The following TTN variants were observed in gnomAD, a reference collection of about 807,000 sequenced individuals.
TTN encodes connectin.
In TTN, 1,525 loss-of-function variants were observed where a neutral mutation model predicts 3,223.0. The observed-to-expected ratio is 0.47, with a 90% CI of 0.45 to 0.49. TTN has a LOEUF of 0.49. Ranked by LOEUF, TTN falls within the 20% of genes least tolerant of loss-of-function variation. TTN has a pLI of 0.00. For missense variants in TTN, 40,786 were observed against 43,424.0 expected (o/e 0.94, Z 5.40); for synonymous variants, 14,094 against 15,161.0 (o/e 0.93, Z 5.17).
intron 147 of TTN, 129 bp downstream of exon 147, chr2:178,677,072 G>A (rs954653008): frequency 3.4e-5 from 16 of 464,892 alleles, no homozygotes; most frequent in Admixed American, 1.5e-4. Context: ...CCTGAACATC[G>A]TTAGAAGTAA....
In TTN at chr2:178,724,297, A is replaced by C. The variant is rs2078959892; in HGVS notation, c.21078T>G (p.Val7026=). Residue 7026 remains valine, a synonymous_variant, in exon 72 of 363, where the codon GTT becomes GTG. Coordinates refer to ENST00000589042, the MANE Select transcript of TTN (RefSeq NM_001267550.2). ...CCACAGCTGTGCAGCTGCTTTTCCC[A>C]ACATTATTTTGAACCTGGAAAGTGT... The part of the protein sequence containing the change: ...GTYTFQVQNN[V]GKSSCTAVVD... The C allele has an allele frequency of 1.2e-6, 2 of 1,613,468 alleles. No homozygotes were observed. Among genetic ancestry groups the C allele is most frequent in the African/African-American group, 1.3e-5 (1 of 75,012 alleles).
At position 178,731,576 on chromosome 2, in the gene TTN, TG is replaced by T; in HGVS notation, c.17189del (p.Pro5730HisfsTer4). 1.3e-6 allele frequency: 2 copies of T among 1,598,696 alleles called. No homozygotes were observed. The highest frequency in any genetic ancestry group is 1.3e-5 in the African/African-American group (1 of 74,324). On this transcript the variant is annotated frameshift_variant, in exon 59 of 363. Coordinates refer to ENST00000589042, the MANE Select transcript of TTN (RefSeq NM_001267550.2). LOFTEE classifies it high-confidence loss of function. ...TACTCTCGATCTTCTTTATGAAGGA[TG>T]GGGGTTCTAACAGAAGAATGAATTC... Reference protein sequence around the residue: ...CSARVTLREPPSFIKKIESTS... With the variant: ...CSARVTLREPXSFIKKIESTS...
At chr2:178,735,469 TTG>T in intron 50 of TTN, 40 bp downstream of exon 50, 1 of 1,493,346 alleles carries the variant, frequency 6.7e-7, no homozygotes, top group South Asian at 1.4e-5. Context: ...TGAGGATTCC[TTG>T]CAGAGAAGGG....
chr2:178,640,848 TTC>T (rs913329264), intron 220 of TTN, among the ~76,000 whole-genome samples: 7 of 151,898 alleles, frequency 4.6e-5, no homozygotes, highest in African/African-American at 1.7e-4. Flanking sequence ...AGCTCTCTCC[TTC>T]TAAATCACTT....
At chr2:178,699,383 CTTTTTTTTTTTTTTTTTTTTTTTTTTT>C (rs59989386) in intron 111 of TTN, among the ~76,000 whole-genome samples, 65 of 44,906 alleles carry the variant, frequency 1.4e-3, no homozygotes, top group African/African-American at 3.4e-3. Context: ...AAATAACACT[CTTTTTTTTTTTTTTTTTTTTTTTTTTT>C]TTTTTTTTTT....
chr2:178,721,909 T>C lies in TTN; in HGVS notation c.22754A>G (p.Tyr7585Cys). ...AACATCATTGGTTGCTTGGCAAGTA[T>C]ATTGACCAGAGTCTCCTTTGCCTAC... ...LKVGKGDSGQYTCQATNDVGK... is the reference protein window; with the variant it reads ...LKVGKGDSGQCTCQATNDVGK... Residue 7585 changes from tyrosine (Y) to cysteine (C), a missense_variant, in exon 78 of 363, where the codon TAT (tyrosine) becomes TGT (cysteine). Coordinates refer to ENST00000589042, the MANE Select transcript of TTN (RefSeq NM_001267550.2). The C allele has an allele frequency of 6.2e-7, 1 of 1,613,476 alleles. No homozygotes were observed. Among genetic ancestry groups the C allele is most frequent in the Non-Finnish European group, 8.5e-7 (1 of 1,179,518 alleles).
rs769044716 is a variant in TTN at position 178,620,008 on chromosome 2, C to T, written c.46409G>A (p.Arg15470His). ...TGTACCTTCCACAAAAAGTCTAGCA[C>T]GAGACTTCCTGTCTTCTACCCCGCA... ...YACGVEDRKSRARLFVEEIPV... is the reference protein window; with the variant it reads ...YACGVEDRKSHARLFVEEIPV... The change falls in exon 249 of 363, where the codon CGT (arginine) becomes CAT (histidine). Residue 15470 changes from arginine to histidine, a missense_variant. Coordinates refer to ENST00000589042, the MANE Select transcript of TTN (RefSeq NM_001267550.2). 1.1e-5 allele frequency: 18 copies of T among 1,610,454 alleles called. No homozygotes were observed. Among genetic ancestry groups the T allele is most frequent in the African/African-American group, 2.7e-5 (2 of 74,684 alleles).
chr2:178,696,385 TTG>T, intron 113 of TTN, 116 bp from the exon 114 acceptor site: 2 of 1,004,486 alleles, frequency 2.0e-6, no homozygotes, highest in East Asian at 2.8e-5. Flanking sequence ...TATTGATAAT[TTG>T]TTTTTTTTTT....
In TTN at chr2:178,526,780, A is replaced by G; in HGVS notation, c.*232T>C. On this transcript the variant is annotated 3_prime_UTR_variant, in exon 363 of 363. Coordinates refer to ENST00000589042, the MANE Select transcript of TTN (RefSeq NM_001267550.2). The stretch of plus-strand genomic sequence containing the variant: ...CATAAAATAAATGGTACAAAACTTT[A>G]TAACCGTTAATCCGGCTATATACAG... 2.7e-6 allele frequency: 1 copy of G among 376,930 alleles called. No homozygotes were observed. The highest frequency in any genetic ancestry group is 4.7e-6 in the Non-Finnish European group (1 of 212,120). The allele number at this position is 376,930 out of a possible 1,614,324, so 23.3% of individuals were successfully genotyped here.
rs772635851 is a variant in TTN at position 178,554,759 on chromosome 2, G to A, written c.88595-7C>T. 3 of 1,613,120 alleles carry A rather than the reference G, an allele frequency of 1.9e-6. No homozygotes were observed. In the South Asian group the frequency reaches 3.3e-5, roughly 18 times the overall value. ...CCAGGTGGGCCTGGTTTGTCTATCA[G>A]TGAAAGGACAAAACACGATGTTAGT... On this transcript the variant is annotated splice_polypyrimidine_tract_variant and splice_region_variant and intron_variant, in intron 331 of 362. Transcript: ENST00000589042.
intron 356 of TTN, 131 bp downstream of exon 356, chr2:178,536,807 G>A (rs1691738072): frequency 1.1e-6 from 1 of 910,088 alleles, no homozygotes; most frequent in Non-Finnish European, 1.6e-6. Flanking sequence ...TTCAATTAAA[G>A]TGAAAGAAAA....
chr2:178,549,545 C>T, intron 338 of TTN, 25 bp downstream of exon 338: 1 of 1,603,226 alleles, frequency 6.2e-7, no homozygotes, highest in Non-Finnish European at 8.5e-7. Flanking sequence ...TGACATAGTA[C>T]CGCTTAGTAA....
chr2:178,713,070 G>A lies in TTN; in HGVS notation c.27049+15C>T. The A allele has an allele frequency of 6.2e-7, 1 of 1,609,508 alleles. No individual in the cohort carries two copies. The highest frequency in any genetic ancestry group is 8.5e-7 in the Non-Finnish European group (1 of 1,176,722). Reference sequence around the variant, plus strand: ...ACTATGAAATGCAATTCATTTTACTGTTTTGTAAACTGACCTCTCACAGTC... The same window carrying A: ...ACTATGAAATGCAATTCATTTTACTATTTTGTAAACTGACCTCTCACAGTC... On this transcript the variant is annotated intron_variant, in intron 93 of 362. Coordinates refer to ENST00000589042, the MANE Select transcript of TTN (RefSeq NM_001267550.2).
At position 178,727,755 on chromosome 2, in the gene TTN, A is replaced by C; in HGVS notation, c.19823T>G (p.Phe6608Cys). 1.2e-6 allele frequency: 2 copies of C among 1,613,330 alleles called. No homozygotes were observed. The highest frequency in any genetic ancestry group is 1.7e-6 in the Non-Finnish European group (2 of 1,179,450). The change falls in exon 68 of 363, where the codon TTT (phenylalanine) becomes TGT (cysteine). Residue 6608 changes from phenylalanine (F) to cysteine (C), a missense_variant. Phe to Cys is a radical substitution (Grantham distance 205). Transcript: ENST00000589042. Reference sequence around the variant, plus strand: ...TGAGACAAGTTCCACATCATCCTTAAACCATTTTATTTTAAATGGTGGTGT... The same window carrying C: ...TGAGACAAGTTCCACATCATCCTTACACCATTTTATTTTAAATGGTGGTGT... ...KGTPPFKIKW[F>C]KDDVELVSGP...
rs1010510688 is a variant in TTN, at chr2:178,558,983, G to A, written c.86821+328C>T. The A allele has an allele frequency of 3.3e-5, 11 of 337,724 alleles. 1 individual carries two copies. The highest frequency in any genetic ancestry group is 1.9e-4 in the South Asian group (5 of 26,038). 20.9% of individuals were successfully genotyped at this position (337,724 alleles called of 1,614,324 possible). A position where few individuals can be genotyped will look rare whatever the true frequency, so the allele number is the denominator to read the frequency against. On this transcript the variant is annotated intron_variant, in intron 326 of 362. Transcript: ENST00000589042. ...TGTACACACGCACATACACACATAT[G>A]ATATATGTCATACACACATACTATA...
intron 47 of TTN, chr2:178,749,071 T>G: frequency 6.2e-7 from 1 of 1,612,952 alleles, no homozygotes. Flanking sequence ...CACCAAGGGA[T>G]TCTTCATATA....
intron 3 of TTN, 27 bp downstream of exon 3, chr2:178,802,111 A>T: frequency 6.2e-7 from 1 of 1,613,680 alleles, no homozygotes; most frequent in Non-Finnish European, 8.5e-7. Flanking sequence ...GGGGGAGCAG[A>T]GGATTGGCAG....
intron 316 of TTN, 46 bp downstream of exon 316, chr2:178,581,453 A>C (rs1241312231): frequency 6.8e-7 from 1 of 1,473,988 alleles, no homozygotes; most frequent in South Asian, 1.3e-5. Flanking sequence ...CTCTTAGAAT[A>C]TGATTAATAG....
chr2:178,730,323 T>C lies in TTN; in HGVS notation c.18077A>G (p.Asn6026Ser). Residue 6026 changes from asparagine (N) to serine (S), a missense_variant, in exon 62 of 363, where the codon AAC becomes AGC. Physicochemically the swap from Asn to Ser is conservative, Grantham distance 46. Transcript: ENST00000589042. ...AAGAGCCTTTAACTGTACCCTTGTGTTGGGATTGACATCTTGTGACTGTGG... is the reference window on the plus strand; with the variant it reads ...AAGAGCCTTTAACTGTACCCTTGTGCTGGGATTGACATCTTGTGACTGTGG... ...EKPQSQDVNP[N>S]TRVQLKALVG... is the part of the protein sequence containing the mutation. The C allele has an allele frequency of 6.2e-7, 1 of 1,611,294 alleles. No homozygotes were observed. Among genetic ancestry groups the C allele is most frequent in the Non-Finnish European group, 8.5e-7 (1 of 1,178,564 alleles).
Sources: allele counts gnomAD v4.1 joint callset (sites outside exome capture counted in the v4.1 genomes callset), GRCh38; gene constraint gnomAD v4.1.1; transcripts MANE v1.5; gene names NCBI Gene and HGNC (gene_info 2026-07-23, HGNC 2026-07-21).